The following ACSM3 variants were observed in gnomAD, a reference collection of about 807,000 sequenced individuals.
ACSM3 encodes the protein acyl-CoA synthetase medium chain family member 3, also known as acyl-coenzyme A synthetase ACSM3, mitochondrial.
In ACSM3, 61 loss-of-function variants were observed where a neutral mutation model predicts 74.1. That is an observed-to-expected ratio of 0.82 (90% CI 0.67 to 1.02). The LOEUF is 1.02. Among genes scored for constraint, ACSM3 ranks in the 50% least tolerant of loss-of-function variants. ACSM3 has a pLI of 0.00. For synonymous variants in ACSM3, 213 were observed against 241.5 expected (o/e 0.88, Z 1.09); for missense variants, 660 against 697.0 (o/e 0.95, Z 0.60).
At chr16:20,711,846 T>G (rs2152378047) in intron 1 of ACSM3, among the ~76,000 whole-genome samples, 1 of 152,302 alleles carries the variant, frequency 6.6e-6, no homozygotes, top group South Asian at 2.1e-4. Context: ...AAGGAAGGGA[T>G]GTAGTTCTGC....
At chr16:20,751,147 G>T (rs2079986522) in intron 2 of ACSM3, among the ~76,000 whole-genome samples, 1 of 152,162 alleles carries the variant, frequency 6.6e-6, no homozygotes, top group South Asian at 2.1e-4. Flanking sequence ...TTGGTAGAAA[G>T]CCTAGATCTG....
intron 7 of ACSM3, chr16:20,783,388 G>C (rs2080396307): frequency 6.6e-6 from 1 of 152,116 alleles, no homozygotes; most frequent in African/African-American, 2.4e-5. Flanking sequence ...ATTTCAGATT[G>C]TTTTGGATTT....
chr16:20,719,345 G>T, intron 1 of ACSM3: 1 of 257,184 alleles, frequency 3.9e-6, no homozygotes. Context: ...GTGTTTTTAT[G>T]CATCAGATGG....
chr16:20,706,334 C>T (rs2079728164), intron 1 of ACSM3, among the ~76,000 whole-genome samples: 1 of 152,098 alleles, frequency 6.6e-6, no homozygotes, highest in Non-Finnish European at 1.5e-5. Flanking sequence ...GAAAATGATA[C>T]ATTACACATG....
intron 13 of ACSM3, 97 bp downstream of exon 13, chr16:20,796,586 GCAC>G: frequency 6.4e-7 from 1 of 1,569,822 alleles, no homozygotes; most frequent in Non-Finnish European, 8.6e-7. Flanking sequence ...CACACATGCT[GCAC>G]CACATGTCCC....
chr16:20,743,603 A>G (rs1335320604), intron 1 of ACSM3: 1 of 152,022 alleles, frequency 6.6e-6, no homozygotes, highest in Non-Finnish European at 1.5e-5. Context: ...TTCACAGTCA[A>G]TAAACCCTAG....
At chr16:20,675,867 G>A (rs1208171329) in intron 1 of ACSM3, among the ~76,000 whole-genome samples, 1 of 152,194 alleles carries the variant, frequency 6.6e-6, no homozygotes, top group Non-Finnish European at 1.5e-5. Flanking sequence ...TGCGCTGGCG[G>A]CTACGGAGTT....
At chr16:20,674,452 C>G (rs111590267), upstream of ACSM3, 3,665 of 157,374 alleles carry the variant, frequency 0.023, 44 homozygotes, top group Non-Finnish European at 0.034. Context: ...TCCCTCCCCC[C>G]TCTCCACCCC....
intron 1 of ACSM3, among the ~76,000 whole-genome samples, chr16:20,683,484 A>T (rs892479490): frequency 6.6e-6 from 1 of 150,876 alleles, no homozygotes; most frequent in Non-Finnish European, 1.5e-5. Flanking sequence ...AAAACACCAC[A>T]CTTCTCGTCC....
intron 1 of ACSM3, among the ~76,000 whole-genome samples, chr16:20,716,722 G>A (rs1323671349): frequency 1.3e-5 from 2 of 152,108 alleles, no homozygotes; most frequent in Admixed American, 1.3e-4. Flanking sequence ...TAAATAGTGT[G>A]GGCTCCTAGA....
chr16:20,785,641 G>C (rs960243374), intron 8 of ACSM3, among the ~76,000 whole-genome samples: 1 of 152,154 alleles, frequency 6.6e-6, no homozygotes, highest in African/African-American at 2.4e-5. Context: ...TGGTTATTTT[G>C]TAGAAGAGGG....
intron 9 of ACSM3, among the ~76,000 whole-genome samples, chr16:20,788,412 G>A (rs184354280): frequency 1.5e-4 from 23 of 152,256 alleles, no homozygotes; most frequent in Admixed American, 9.8e-4. Context: ...CCATTAATTT[G>A]AGCCCAGTGG....
intron 6 of ACSM3, among the ~76,000 whole-genome samples, 153 bp downstream of exon 6, chr16:20,781,283 C>T (rs2080347604): frequency 6.6e-6 from 1 of 152,190 alleles, no homozygotes; most frequent in Non-Finnish European, 1.5e-5. Flanking sequence ...AAAAGATACA[C>T]TCGGCCCCCT....
chr16:20,678,666 C>T (rs143163714), intron 1 of ACSM3, among the ~76,000 whole-genome samples: 84 of 152,306 alleles, frequency 5.5e-4, no homozygotes, highest in African/African-American at 1.9e-3. Flanking sequence ...AATGGACCAA[C>T]ATTTGTGGCT....
At position 20,684,334 on chromosome 16, in the gene ACSM3, G is replaced by C. The variant is rs562618028; in HGVS notation, c.-190+9512G>C. On this transcript the variant is annotated intron_variant, in intron 1 of 3. Coordinates refer to the ACSM3 transcript ENST00000561584. ...CACAATCGCTTAAGGATCACACAATGAATTATTTATTAATTACAAGGAAAA... is the reference window on the plus strand; with the variant it reads ...CACAATCGCTTAAGGATCACACAATCAATTATTTATTAATTACAAGGAAAA... Among the ~76,000 whole-genome samples, 110 of 152,280 alleles carry C rather than the reference G, an allele frequency of 7.2e-4. 1 individual carries two copies. Among genetic ancestry groups the C allele is most frequent in the Admixed American group, 1.8e-3 (27 of 15,298 alleles).
At chr16:20,784,726 G>T (rs1444492548) in intron 7 of ACSM3, 2 of 187,268 alleles carry the variant, frequency 1.1e-5, no homozygotes, top group African/African-American at 4.7e-5. Flanking sequence ...GGGGGGTAAA[G>T]AAAAACTAGT....
At chr16:20,713,523 C>T (rs536321245) in intron 1 of ACSM3, among the ~76,000 whole-genome samples, 71 of 152,212 alleles carry the variant, frequency 4.7e-4, no homozygotes, top group African/African-American at 1.6e-3. Flanking sequence ...TGCACTCCAG[C>T]CTGGGTGACA....
At chr16:20,786,731 G>A (rs1180261121) in intron 9 of ACSM3, among the ~76,000 whole-genome samples, 1 of 152,144 alleles carries the variant, frequency 6.6e-6, no homozygotes, top group Non-Finnish European at 1.5e-5. Flanking sequence ...AACCCTATGA[G>A]AAGCATACTA....
At chr16:20,741,481 G>GGGGGGCCCCCCCCC (rs1596494029) in intron 1 of ACSM3, 1 of 1,308,414 alleles carries the variant, frequency 7.6e-7, no homozygotes, top group Non-Finnish European at 9.9e-7. Context: ...CTGGCAGCCG[G>GGGGGGCCCCCCCCC]CCCGCCCGCC....
Sources: gnomAD v4.1 joint callset for allele counts (sites outside exome capture counted in the v4.1 genomes callset) on GRCh38, gnomAD v4.1.1 for gene constraint, MANE v1.5 for transcripts, NCBI Gene and HGNC (gene_info 2026-07-23, HGNC 2026-07-21) for gene names.